Variants in DNAJC1 observed in about 807,000 individuals in gnomAD.
DNAJC1 encodes DnaJ heat shock protein family (Hsp40) member C1.
A neutral mutation model predicts 76.6 loss-of-function variants in DNAJC1; 58 were observed. The ratio of observed to expected loss-of-function variants is 0.76; its 90% CI spans 0.61 to 0.94. The LOEUF (loss-of-function observed/expected upper bound fraction) is 0.94. Among genes scored for constraint, DNAJC1 ranks in the 40% least tolerant of loss-of-function variants. DNAJC1 has a pLI of 0.00. For missense variants in DNAJC1, 689 were observed against 677.3 expected, an observed-to-expected ratio of 1.02 and a Z score of -0.19; for synonymous variants, 258 against 267.9, an observed-to-expected ratio of 0.96 and a Z score of 0.36.
intron 1 of DNAJC1, chr10:21,933,564 A>C (rs768820623): frequency 1.3e-5 from 2 of 152,288 alleles, no homozygotes; most frequent in African/African-American, 2.4e-5. Context: ...GCACAAGCAG[A>C]AACTGAAGCT....
At chr10:21,944,360 T>C (rs776142843) in intron 1 of DNAJC1, among the ~76,000 whole-genome samples, 1 of 152,194 alleles carries the variant, frequency 6.6e-6, no homozygotes, top group Admixed American at 6.5e-5. Flanking sequence ...TAAATAGACA[T>C]GTAATATTCC....
At chr10:21,980,429 T>C (rs893070198) in intron 1 of DNAJC1, among the ~76,000 whole-genome samples, 1 of 152,112 alleles carries the variant, frequency 6.6e-6, no homozygotes, top group Non-Finnish European at 1.5e-5. Context: ...CATGCATAGT[T>C]TGAATTTAAT....
intron 1 of DNAJC1, among the ~76,000 whole-genome samples, chr10:21,988,045 G>C (rs1403559811): frequency 6.6e-6 from 1 of 151,944 alleles, no homozygotes; most frequent in Non-Finnish European, 1.5e-5. Flanking sequence ...CCAAGAATGT[G>C]TCATAATTTA....
chr10:21,813,851 C>T (rs1827038243), intron 8 of DNAJC1, among the ~76,000 whole-genome samples: 1 of 152,106 alleles, frequency 6.6e-6, no homozygotes, highest in African/African-American at 2.4e-5. Context: ...GGCCCTCTTA[C>T]TCTGTGGGAA....
chr10:21,789,499 C>T (rs1834654464), intron 9 of DNAJC1, among the ~76,000 whole-genome samples: 1 of 152,020 alleles, frequency 6.6e-6, no homozygotes, highest in Admixed American at 6.6e-5. Context: ...AGGAACACGA[C>T]TCTTCAATAA....
chr10:21,830,720 T>A (rs1835343568), intron 8 of DNAJC1, among the ~76,000 whole-genome samples: 1 of 152,214 alleles, frequency 6.6e-6, no homozygotes, highest in African/African-American at 2.4e-5. Flanking sequence ...CTATCTTTAG[T>A]GTCTCTTAAC....
chr10:21,774,252 T>C (rs1000669042), intron 9 of DNAJC1, among the ~76,000 whole-genome samples: 1 of 152,176 alleles, frequency 6.6e-6, no homozygotes, highest in Non-Finnish European at 1.5e-5. Flanking sequence ...GTTTATCTTG[T>C]AGAATTTAAA....
intron 6 of DNAJC1, among the ~76,000 whole-genome samples, chr10:21,916,287 A>G (rs897773995): frequency 6.6e-6 from 1 of 152,158 alleles, no homozygotes; most frequent in Non-Finnish European, 1.5e-5. Context: ...CAGGAGATCG[A>G]GACCATCCTG....
At chr10:21,944,275 T>C (rs541924188) in intron 1 of DNAJC1, among the ~76,000 whole-genome samples, 9 of 152,048 alleles carry the variant, frequency 5.9e-5, no homozygotes, top group African/African-American at 2.2e-4. Flanking sequence ...GTAAATGTAA[T>C]AGAATAATAC....
At chr10:21,959,331 T>C (rs993068307) in intron 1 of DNAJC1, among the ~76,000 whole-genome samples, 1 of 151,762 alleles carries the variant, frequency 6.6e-6, no homozygotes, top group Admixed American at 6.6e-5. Context: ...TTTCACCATG[T>C]TGGCCAGGCT....
intron 6 of DNAJC1, among the ~76,000 whole-genome samples, chr10:21,916,050 T>A (rs887686762): frequency 6.6e-6 from 1 of 152,156 alleles, no homozygotes; most frequent in Non-Finnish European, 1.5e-5. Flanking sequence ...TATGAAAGAC[T>A]TGGAGAAAAC....
chr10:21,799,726 C>G (rs1413873109), intron 9 of DNAJC1, among the ~76,000 whole-genome samples: 1 of 152,100 alleles, frequency 6.6e-6, no homozygotes, highest in Admixed American at 6.5e-5. Context: ...TCCTGATTCA[C>G]CATTTCTTGG....
chr10:21,916,306 G>C (rs1233980526), intron 6 of DNAJC1, among the ~76,000 whole-genome samples: 6 of 152,174 alleles, frequency 3.9e-5, no homozygotes, highest in African/African-American at 1.2e-4. Context: ...TGGCTAACAC[G>C]GTGAAACCCC....
chr10:21,798,389 T>G (rs1834773136), intron 9 of DNAJC1, among the ~76,000 whole-genome samples: 1 of 152,172 alleles, frequency 6.6e-6, no homozygotes, highest in Non-Finnish European at 1.5e-5. Context: ...AATCCAAAAT[T>G]TCCACCTTGG....
At chr10:21,865,761 T>C (rs1240855051) in intron 8 of DNAJC1, 1 of 152,034 alleles carries the variant, frequency 6.6e-6, no homozygotes, top group Non-Finnish European at 1.5e-5. Flanking sequence ...AAAGGGGACA[T>C]GGAGTACAGT....
chr10:21,909,701 T>C (rs1836822398), intron 6 of DNAJC1, among the ~76,000 whole-genome samples: 1 of 152,212 alleles, frequency 6.6e-6, no homozygotes, highest in East Asian at 1.9e-4. Context: ...TGGATGGAAA[T>C]ATCATGTGTC....
chr10:21,815,242 T>A (rs183836350), intron 8 of DNAJC1, among the ~76,000 whole-genome samples: 9 of 152,358 alleles, frequency 5.9e-5, no homozygotes, highest in Non-Finnish European at 1.2e-4. Flanking sequence ...TATAGCTCCC[T>A]GACTATTTGA....
At chr10:21,931,710 C>G (rs747759936) in intron 1 of DNAJC1, among the ~76,000 whole-genome samples, 6 of 152,068 alleles carry the variant, frequency 3.9e-5, no homozygotes, top group Non-Finnish European at 2.9e-5. Context: ...AGGTAAAAAC[C>G]CTGGTACGTA....
intron 9 of DNAJC1, among the ~76,000 whole-genome samples, chr10:21,791,611 T>C (rs903914046): frequency 1.3e-5 from 2 of 151,964 alleles, no homozygotes; most frequent in African/African-American, 2.4e-5. Context: ...CATACAAATA[T>C]ATGAAAATTA....
Sources: gnomAD v4.1 joint callset for allele counts (sites outside exome capture counted in the v4.1 genomes callset) on GRCh38, gnomAD v4.1.1 for gene constraint, MANE v1.5 for transcripts, NCBI Gene and HGNC (gene_info 2026-07-23, HGNC 2026-07-21) for gene names.